Variants in PIEZO1 observed in about 807,000 individuals in gnomAD.
The protein encoded by PIEZO1 is piezo type mechanosensitive ion channel component 1 (Er blood group).
A neutral mutation model predicts 297.2 loss-of-function variants in PIEZO1; 296 were observed. The observed-to-expected ratio is 1.00, with a 90% CI of 0.91 to 1.10. PIEZO1 has a LOEUF of 1.10. Ranked by LOEUF, PIEZO1 falls within the 50% of genes least tolerant of loss-of-function variation. The probability of loss-of-function intolerance (pLI) is 0.00; values close to 1 mark genes in which losing one functional copy is unlikely to be tolerated. For missense variants in PIEZO1, 5,018 were observed against 3,455.5 expected (o/e 1.45, Z -11.34); for synonymous variants, 2,427 against 1,507.5 (o/e 1.61, Z -14.13).
intron 5 of PIEZO1, 41 bp from the exon 6 acceptor site, chr16:88,738,777 A>G (rs1567676696): frequency 6.7e-7 from 1 of 1,486,808 alleles, no homozygotes; most frequent in South Asian, 1.2e-5. Flanking sequence ...GGTGTATCGC[A>G]CTGACGCCAC....
Position 88,720,208 on chromosome 16 carries a change from G to A in PIEZO1, c.6025C>T (p.Leu2009=). The change falls in exon 42 of 51, where the codon CTG becomes TTG. Residue 2009 remains leucine (L), a synonymous_variant. Coordinates refer to ENST00000301015, the MANE Select transcript of PIEZO1 (RefSeq NM_001142864.4). ...ACCACCATGGTACTGAACTGGATCAGCAGCATGACCAGGAAAGCCTCGGGT... is the reference window on the plus strand; with the variant it reads ...ACCACCATGGTACTGAACTGGATCAACAGCATGACCAGGAAAGCCTCGGGT... ...QVPEAFLVML[L]IQFSTMVVDR... The A allele has an allele frequency of 1.3e-6, 2 of 1,550,616 alleles. No homozygotes were observed. The highest frequency in any genetic ancestry group is 1.7e-6 in the Non-Finnish European group (2 of 1,146,992).
intron 1 of PIEZO1, among the ~76,000 whole-genome samples, chr16:88,769,032 G>A (rs979118965): frequency 6.6e-5 from 10 of 152,160 alleles, no homozygotes; most frequent in Admixed American, 2.6e-4. Flanking sequence ...CAGCACCCGC[G>A]CCCACACTTG....
intron 19 of PIEZO1, 64 bp from the exon 20 acceptor site, chr16:88,732,796 G>A: frequency 7.0e-7 from 1 of 1,429,118 alleles, no homozygotes; most frequent in Admixed American, 2.4e-5. Context: ...CCTGCCCGGA[G>A]CCCACCACAG....
chr16:88,782,191 C>T, intron 1 of PIEZO1, among the ~76,000 whole-genome samples: 1 of 152,196 alleles, frequency 6.6e-6, no homozygotes, highest in East Asian at 1.9e-4. Flanking sequence ...CTCACTGTAG[C>T]CTCCAACTCC....
chr16:88,737,296 C>T, intron 10 of PIEZO1: 1 of 437,350 alleles, frequency 2.3e-6, no homozygotes, highest in Non-Finnish European at 4.1e-6. Flanking sequence ...CCTGGAGGCC[C>T]CCCATGGGGT....
chr16:88,722,032 G>A lies in PIEZO1; in HGVS notation c.4990C>T (p.Leu1664=). 1.3e-6 allele frequency: 2 copies of A among 1,547,874 alleles called. No individual in the cohort carries two copies. Among genetic ancestry groups the A allele is most frequent in the Non-Finnish European group, 1.7e-6 (2 of 1,146,434 alleles). ...GCCCGGCCCTGCCCCTCCGCAAACA[G>A]CTCTGCCTCCTCCAGCTCTGGGATG... ...LRIPELEEAE[L]FAEGQGRALR... The change falls in exon 37 of 51, where the codon CTG becomes TTG. Residue 1664 remains leucine (L), a synonymous_variant. Transcript: ENST00000301015.
chr16:88,715,895 C>A, intron 50 of PIEZO1, 38 bp downstream of exon 50: 1 of 1,538,890 alleles, frequency 6.5e-7, no homozygotes, highest in Non-Finnish European at 8.8e-7. Context: ...GCCCGGAGCC[C>A]CCCGAGCTGC....
chr16:88,736,142 A>G lies in PIEZO1; in HGVS notation c.1557+6T>C. On this transcript the variant is annotated splice_donor_region_variant and intron_variant, in intron 12 of 50. Transcript: ENST00000301015. ...GGCACCCCCGGATGTGGTGGTGCAC[A>G]CTCACCATGGCACCAAGGTCCAGAC... The G allele has an allele frequency of 1.3e-6, 2 of 1,540,122 alleles. No homozygotes were observed. Among genetic ancestry groups the G allele is most frequent in the Non-Finnish European group, 8.8e-7 (1 of 1,140,614 alleles).
Position 88,719,843 on chromosome 16 carries a change from G to A in PIEZO1, c.6282C>T (p.Leu2094=), listed in dbSNP as rs1222180146. 6.4e-6 allele frequency: 10 copies of A among 1,550,470 alleles called. No homozygotes were observed. Among genetic ancestry groups the A allele is most frequent in the African/African-American group, 1.4e-5 (1 of 73,058 alleles). ...GYPTRILGNF[L]TKKYNHLNLF... is the part of the protein sequence containing the mutation. ...GGTTGAGATGATTGTACTTCTTGGT[G>A]AGGAAGTTGCCGAGGATGCGGGTGG... The change falls in exon 43 of 51, where the codon CTC becomes CTT. Residue 2094 remains leucine, a synonymous_variant. Transcript: ENST00000301015.
rs544766921 is a variant in PIEZO1 at position 88,737,459 on chromosome 16, G to T, written c.1195+100C>A. 5.9e-4 allele frequency: 462 copies of T among 783,938 alleles called. 1 individual carries two copies. The highest frequency in any genetic ancestry group is 8.5e-4 in the Non-Finnish European group (428 of 502,798). The allele number at this position is 783,938 out of a possible 1,614,324, so 48.6% of individuals were successfully genotyped here. ...CCGAGGGGGCGGCAGGCAGAGGTGC[G>T]GCGCGAGCATGCGAGAGCGCCAGGC... On this transcript the variant is annotated intron_variant, in intron 10 of 50. Transcript: ENST00000301015.
chr16:88,733,041 C>T (rs573877635), intron 19 of PIEZO1: 52 of 585,176 alleles, frequency 8.9e-5, no homozygotes, highest in Middle Eastern at 4.5e-4. Flanking sequence ...TCCTCACTGC[C>T]GGAGACCCTG....
At chr16:88,747,392 TG>T (rs2142857908) in intron 2 of PIEZO1, among the ~76,000 whole-genome samples, 1 of 152,272 alleles carries the variant, frequency 6.6e-6, no homozygotes, top group South Asian at 2.1e-4. Context: ...GGTGGGCGCC[TG>T]TAATCCCAGC....
At position 88,734,900 on chromosome 16, in the gene PIEZO1, A is replaced by G. The variant is rs1375097455; in HGVS notation, c.1823T>C (p.Phe608Ser). ...CTGGAAGAGGGTGAGGCAGAGCAGG[A>G]AGAGGAACATGTAGACAATCTTGTA... ...VVYKIVYMFL[F>S]LLCLTLFQVY... The change falls in exon 14 of 51, where the codon TTC becomes TCC. Residue 608 changes from phenylalanine to serine, a missense_variant. Coordinates refer to ENST00000301015, the MANE Select transcript of PIEZO1 (RefSeq NM_001142864.4). 2 of 1,550,220 alleles carry G rather than the reference A, an allele frequency of 1.3e-6. No homozygotes were observed. Among genetic ancestry groups the G allele is most frequent in the African/African-American group, 2.7e-5 (2 of 73,060 alleles).
Position 88,723,338 on chromosome 16 carries a change from A to C in PIEZO1, c.4336-10T>G, listed in dbSNP as rs776599335. The C allele has an allele frequency of 1.1e-5, 17 of 1,536,784 alleles. No individual in the cohort carries two copies. In the South Asian group the frequency reaches 1.9e-4, roughly 17 times the overall value. On this transcript the variant is annotated splice_polypyrimidine_tract_variant and intron_variant, in intron 31 of 50. Transcript: ENST00000301015. ...ATGCCTGGTACGCCAGCTGTCGGCC[A>C]GCCCCCGGGTTAGGACCCGGCCTCC...
At chr16:88,769,820 A>T (rs573696050) in intron 1 of PIEZO1, among the ~76,000 whole-genome samples, 2 of 152,176 alleles carry the variant, frequency 1.3e-5, no homozygotes, top group Non-Finnish European at 2.9e-5. Context: ...GACGAGCCTC[A>T]TGTCACCTCT....
Position 88,731,930 on chromosome 16 carries a change from GGGTGT to G in PIEZO1, c.2992-25_2992-21del. The G allele has an allele frequency of 6.8e-7, 1 of 1,474,972 alleles. No homozygotes were observed. The allele number at this position is 1,474,972 out of a possible 1,614,324, so 91.4% of individuals were successfully genotyped here. A position where few individuals can be genotyped will look rare whatever the true frequency, so the allele number is the denominator to read the frequency against. ...GCAGATCTGGGGAGGGGAGAGGGCGGGGTGTGGGGATGCACTGAGTCTGGGGGGAG... is the reference window on the plus strand; with the variant it reads ...GCAGATCTGGGGAGGGGAGAGGGCGGGGGGATGCACTGAGTCTGGGGGGAG... On this transcript the variant is annotated intron_variant, in intron 21 of 50. Coordinates refer to ENST00000301015, the MANE Select transcript of PIEZO1 (RefSeq NM_001142864.4).
At chr16:88,731,498 A>C in intron 22 of PIEZO1, 1 of 583,034 alleles carries the variant, frequency 1.7e-6, no homozygotes, top group Non-Finnish European at 3.1e-6. Flanking sequence ...AAAAGAGAAC[A>C]GCAGAGCCTG....
chr16:88,719,753 C>T (rs1475259420), intron 43 of PIEZO1, 32 bp from the exon 44 acceptor site: 4 of 1,550,250 alleles, frequency 2.6e-6, no homozygotes, highest in Non-Finnish European at 3.5e-6. Context: ...GTCAGGTGGG[C>T]TCCCTCATGC....
At chr16:88,772,867 C>T (rs1369163538) in intron 1 of PIEZO1, among the ~76,000 whole-genome samples, 2 of 152,192 alleles carry the variant, frequency 1.3e-5, no homozygotes, top group Non-Finnish European at 1.5e-5. Context: ...ATGTCACCCC[C>T]TTGCAAATGT....
Sources: allele counts gnomAD v4.1 joint callset (sites outside exome capture counted in the v4.1 genomes callset), GRCh38; gene constraint gnomAD v4.1.1; transcripts MANE v1.5; gene names NCBI Gene and HGNC (gene_info 2026-07-23, HGNC 2026-07-21).